DCDC1: variants seen among roughly 807,000 people sequenced by gnomAD.
DCDC1 encodes the protein doublecortin domain containing 1.
A neutral mutation model predicts 178.3 loss-of-function variants in DCDC1; 200 were observed. The observed-to-expected ratio is 1.12, with a 90% CI of 1.00 to 1.26. The LOEUF (loss-of-function observed/expected upper bound fraction) is 1.26, where lower values mean the gene tolerates loss of function less well. DCDC1 is among the 50% of genes most tolerant of loss of function. The pLI is 0.00. For missense variants in DCDC1, 1,983 were observed against 1,749.2 expected (o/e 1.13, Z -2.38); for synonymous variants, 690 against 604.8 (o/e 1.14, Z -2.07).
At chr11:31,323,614 T>C (rs1949492538) in intron 3 of DCDC1, among the ~76,000 whole-genome samples, 1 of 152,108 alleles carries the variant, frequency 6.6e-6, no homozygotes, top group Admixed American at 6.5e-5. Flanking sequence ...TTTTTTAATA[T>C]TATCATTTGT....
At chr11:31,345,818 AGCT>A (rs1029845551) in intron 1 of DCDC1, among the ~76,000 whole-genome samples, 36 of 152,326 alleles carry the variant, frequency 2.4e-4, no homozygotes, top group African/African-American at 8.4e-4. Context: ...GAAGAATCAT[AGCT>A]AATAAATATA....
chr11:30,888,155 A>G (rs554760135), intron 36 of DCDC1, among the ~76,000 whole-genome samples: 2 of 140,508 alleles, frequency 1.4e-5, no homozygotes, highest in Non-Finnish European at 3.0e-5. Context: ...AGAAAGAAAG[A>G]AAGAAAGGGA....
chr11:30,875,490 C>G (rs945759646), intron 38 of DCDC1, among the ~76,000 whole-genome samples: 3 of 151,828 alleles, frequency 2.0e-5, no homozygotes, highest in African/African-American at 4.8e-5. Flanking sequence ...GTGTTTTGAT[C>G]ATTCGCTTCC....
intron 20 of DCDC1, among the ~76,000 whole-genome samples, chr11:31,014,950 C>CTTT (rs1240423918): frequency 2.1e-5 from 3 of 141,304 alleles, no homozygotes; most frequent in Non-Finnish European, 3.1e-5. Flanking sequence ...TTCTCCTTTT[C>CTTT]TTTTTTTTTT....
chr11:30,928,748 A>C (rs1484536179), intron 22 of DCDC1, among the ~76,000 whole-genome samples: 1 of 149,574 alleles, frequency 6.7e-6, no homozygotes, highest in Middle Eastern at 5.0e-3. Context: ...TTACATAAAT[A>C]TTTATACTAT....
chr11:30,982,123 C>A (rs1011135954), intron 20 of DCDC1, among the ~76,000 whole-genome samples: 1 of 152,102 alleles, frequency 6.6e-6, no homozygotes, highest in Non-Finnish European at 1.5e-5. Flanking sequence ...CTAGAGGCAG[C>A]GCAAAGAATT....
At chr11:31,213,767 T>C (rs1973164159) in intron 9 of DCDC1, among the ~76,000 whole-genome samples, 1 of 151,270 alleles carries the variant, frequency 6.6e-6, no homozygotes, top group Admixed American at 6.6e-5. Context: ...ACTTTTGACA[T>C]GTAAAGAGGT....
chr11:31,132,611 T>C (rs1228837715), intron 10 of DCDC1, among the ~76,000 whole-genome samples: 2 of 152,152 alleles, frequency 1.3e-5, no homozygotes, highest in African/African-American at 4.8e-5. Flanking sequence ...GGTCTGTTCA[T>C]AATTCAATCT....
At chr11:31,064,341 T>G (rs1393509423) in intron 20 of DCDC1, 128 bp downstream of exon 20, 1 of 599,260 alleles carries the variant, frequency 1.7e-6, no homozygotes, top group African/African-American at 1.8e-5. Context: ...ACCCAAAAAC[T>G]ACTACGCTTG....
chr11:31,085,656 GT>G (rs901891023), intron 17 of DCDC1, among the ~76,000 whole-genome samples: 4 of 150,886 alleles, frequency 2.7e-5, no homozygotes, highest in East Asian at 1.9e-4. Flanking sequence ...GTTATTTCTA[GT>G]TTTTTTTTCT....
At chr11:31,327,724 C>T (rs1046015646) in intron 3 of DCDC1, among the ~76,000 whole-genome samples, 4 of 152,160 alleles carry the variant, frequency 2.6e-5, no homozygotes, top group South Asian at 2.1e-4. Flanking sequence ...ATTTATATCA[C>T]CTGTACTCAA....
chr11:30,892,004 A>C (rs894885838), intron 36 of DCDC1, among the ~76,000 whole-genome samples: 11 of 152,086 alleles, frequency 7.2e-5, no homozygotes, highest in Admixed American at 6.5e-4. Context: ...CACACCCCCC[A>C]CCACCAACAA....
At chr11:30,900,303 C>T in intron 33 of DCDC1, 43 bp downstream of exon 33, 2 of 1,454,476 alleles carry the variant, frequency 1.4e-6, no homozygotes, top group Non-Finnish European at 9.1e-7. Flanking sequence ...TTCTCTCTCC[C>T]TTCATATACT....
intron 9 of DCDC1, among the ~76,000 whole-genome samples, chr11:31,230,474 G>A (rs762680344): frequency 6.6e-6 from 1 of 152,064 alleles, no homozygotes; most frequent in Non-Finnish European, 1.5e-5. Flanking sequence ...GGAAAAATGC[G>A]GTACTAACTC....
rs1025778945 is a variant in DCDC1 at position 30,864,541 on chromosome 11, G to A, written c.*832C>T. The A allele has an allele frequency of 5.3e-5, 8 of 152,342 alleles. 2 individuals are homozygous for A. The highest frequency in any genetic ancestry group is 5.2e-4 in the Admixed American group (8 of 15,298). 9.4% of individuals were successfully genotyped at this position (152,342 alleles called of 1,614,324 possible). On this transcript the variant is annotated 3_prime_UTR_variant, in exon 39 of 39. Coordinates refer to ENST00000684477, the MANE Select transcript of DCDC1 (RefSeq NM_001387274.1). ...GCAGATCCTCTATTCCCATTGTACT[G>A]TTGTAATTTTGGTTTGCGGCTCAGG...
chr11:31,194,040 C>T (rs757323453), intron 9 of DCDC1, among the ~76,000 whole-genome samples: 3 of 152,016 alleles, frequency 2.0e-5, no homozygotes, highest in African/African-American at 4.8e-5. Flanking sequence ...GTCCATCCTT[C>T]GCAAAATCAA....
chr11:30,923,113 C>G (rs1047431334), intron 23 of DCDC1, among the ~76,000 whole-genome samples: 1 of 152,040 alleles, frequency 6.6e-6, no homozygotes, highest in Admixed American at 6.6e-5. Context: ...CGAACTATCC[C>G]TAAAACCCAA....
chr11:30,948,410 G>A (rs902394363), intron 21 of DCDC1, among the ~76,000 whole-genome samples: 21 of 152,116 alleles, frequency 1.4e-4, no homozygotes, highest in Admixed American at 6.6e-4. Flanking sequence ...AATCAAAATC[G>A]TGAAAATGGC....
chr11:31,266,105 A>AAATAAT (rs1344936475), intron 7 of DCDC1, among the ~76,000 whole-genome samples: 4 of 152,192 alleles, frequency 2.6e-5, no homozygotes, highest in Non-Finnish European at 5.9e-5. Context: ...AAATGTCCTA[A>AAATAAT]AATAAATAAT....
Sources: gnomAD v4.1 joint callset for allele counts (sites outside exome capture counted in the v4.1 genomes callset) on GRCh38, gnomAD v4.1.1 for gene constraint, MANE v1.5 for transcripts, NCBI Gene and HGNC (gene_info 2026-07-23, HGNC 2026-07-21) for gene names.